The following PTPRD variants were observed in gnomAD, a reference collection of about 807,000 sequenced individuals.
PTPRD encodes the protein protein tyrosine phosphatase receptor type D, also known as receptor-type tyrosine-protein phosphatase delta.
PTPRD carries 34 observed loss-of-function variants against 214.5 expected under a neutral mutation model. That is an observed-to-expected ratio of 0.16 (90% confidence interval 0.12 to 0.21). PTPRD has a LOEUF of 0.21. Ranked by LOEUF, PTPRD falls within the 10% of genes least tolerant of loss-of-function variation. The pLI, the probability that PTPRD is intolerant of heterozygous loss-of-function variation, is 1.00. For synonymous variants in PTPRD, 1,128 were observed against 845.7 expected (o/e 1.33, Z -5.79); for missense variants, 2,545 against 2,398.7 (o/e 1.06, Z -1.27).
At chr9:8,796,203 T>C (rs1248951861) in intron 11 of PTPRD, among the ~76,000 whole-genome samples, 1 of 152,136 alleles carries the variant, frequency 6.6e-6, no homozygotes, top group African/African-American at 2.4e-5. Context: ...GAAGGGATAA[T>C]TAGAGATGAA....
At chr9:10,233,564 A>C (rs2099619226) in intron 3 of PTPRD, among the ~76,000 whole-genome samples, 1 of 152,028 alleles carries the variant, frequency 6.6e-6, no homozygotes, top group Non-Finnish European at 1.5e-5. Context: ...AAGAAAGCCA[A>C]GTTATGAGCA....
chr9:9,409,669 T>C (rs1287511854), intron 8 of PTPRD, among the ~76,000 whole-genome samples: 1 of 151,962 alleles, frequency 6.6e-6, no homozygotes, highest in African/African-American at 2.4e-5. Context: ...AATCAGTAAC[T>C]ACAATAAGCT....
chr9:10,581,678 C>T (rs768225831), intron 2 of PTPRD, among the ~76,000 whole-genome samples: 2 of 152,126 alleles, frequency 1.3e-5, no homozygotes, highest in Non-Finnish European at 2.9e-5. Context: ...TAAGACAACT[C>T]GCTTGCTGTG....
At chr9:8,362,000 T>C (rs2078624164) in intron 39 of PTPRD, among the ~76,000 whole-genome samples, 1 of 152,206 alleles carries the variant, frequency 6.6e-6, no homozygotes, top group Non-Finnish European at 1.5e-5. Context: ...GAAAACCATG[T>C]GACTTGATGA....
intron 3 of PTPRD, among the ~76,000 whole-genome samples, chr9:10,098,956 A>G (rs933779165): frequency 5.9e-5 from 9 of 151,758 alleles, no homozygotes; most frequent in Non-Finnish European, 1.0e-4. Context: ...ATAGAATTTC[A>G]TAGACAGCAA....
At chr9:10,535,610 A>G (rs906520657) in intron 2 of PTPRD, among the ~76,000 whole-genome samples, 1 of 152,170 alleles carries the variant, frequency 6.6e-6, no homozygotes, top group Admixed American at 6.6e-5. Flanking sequence ...CTTTTTTAAA[A>G]AAAGTCAATA....
intron 10 of PTPRD, among the ~76,000 whole-genome samples, chr9:9,108,814 C>T (rs1226800743): frequency 6.6e-6 from 1 of 152,120 alleles, no homozygotes; most frequent in Non-Finnish European, 1.5e-5. Flanking sequence ...ACTGCTGAGG[C>T]CCTCTGGCAC....
At chr9:8,402,375 T>C (rs1320165344) in intron 36 of PTPRD, among the ~76,000 whole-genome samples, 3 of 152,078 alleles carry the variant, frequency 2.0e-5, no homozygotes, top group African/African-American at 7.2e-5. Context: ...ATAGTTTTTA[T>C]CCCTCAACAT....
chr9:8,941,487 T>C (rs981261098), intron 11 of PTPRD, among the ~76,000 whole-genome samples: 3 of 152,180 alleles, frequency 2.0e-5, no homozygotes, highest in Non-Finnish European at 4.4e-5. Context: ...GCTCCACTAA[T>C]CCTAGCTGTG....
intron 11 of PTPRD, among the ~76,000 whole-genome samples, chr9:8,934,198 A>C (rs2098972998): frequency 6.6e-6 from 1 of 151,364 alleles, no homozygotes; most frequent in Non-Finnish European, 1.5e-5. Context: ...TATGGAAAAA[A>C]AGAATGGAAA....
intron 7 of PTPRD, among the ~76,000 whole-genome samples, chr9:9,637,490 T>A (rs1011769901): frequency 6.6e-6 from 1 of 152,192 alleles, no homozygotes; most frequent in Non-Finnish European, 1.5e-5. Flanking sequence ...GCAGCATAAA[T>A]AGCATTCTTC....
chr9:9,026,765 T>G (rs1569459136), intron 10 of PTPRD, among the ~76,000 whole-genome samples: 2 of 151,460 alleles, frequency 1.3e-5, no homozygotes, highest in Non-Finnish European at 2.9e-5. Context: ...TTCAAACTGC[T>G]TTATTTTCAT....
intron 8 of PTPRD, among the ~76,000 whole-genome samples, chr9:9,427,469 A>C (rs1299574377): frequency 6.6e-6 from 1 of 152,192 alleles, no homozygotes; most frequent in African/African-American, 2.4e-5. Context: ...GGAGAATGGA[A>C]CCAAGTTGGA....
intron 11 of PTPRD, among the ~76,000 whole-genome samples, chr9:8,946,102 C>A (rs10816015): frequency 0.47 from 72,065 of 151,856 alleles, 17,654 homozygotes; most frequent in East Asian, 0.75. Flanking sequence ...AAATACATAC[C>A]TGTCTATTAC....
intron 33 of PTPRD, among the ~76,000 whole-genome samples, chr9:8,454,837 TG>T: frequency 6.6e-6 from 1 of 151,784 alleles, no homozygotes; most frequent in African/African-American, 2.4e-5. Flanking sequence ...TGTGTGTGTG[TG>T]TGTGTGTGTG....
At chr9:10,090,947 CACACACACACACAT>C (rs1210004267) in intron 3 of PTPRD, among the ~76,000 whole-genome samples, 2 of 148,600 alleles carry the variant, frequency 1.3e-5, no homozygotes, top group Non-Finnish European at 3.0e-5. Flanking sequence ...CACACACACA[CACACACACACACAT>C]GCATGTGGTA....
intron 4 of PTPRD, among the ~76,000 whole-genome samples, chr9:9,984,454 G>A (rs1022693892): frequency 6.6e-6 from 1 of 152,112 alleles, no homozygotes; most frequent in African/African-American, 2.4e-5. Flanking sequence ...TTATCGGTGT[G>A]CCAGACTGGA....
intron 11 of PTPRD, among the ~76,000 whole-genome samples, chr9:8,900,738 C>G (rs1253831251): frequency 6.6e-6 from 1 of 152,100 alleles, no homozygotes; most frequent in Non-Finnish European, 1.5e-5. Context: ...AGTGAATAAA[C>G]CAAATTAGCA....
intron 2 of PTPRD, among the ~76,000 whole-genome samples, chr9:10,526,601 T>C (rs911228756): frequency 4.6e-5 from 7 of 152,140 alleles, no homozygotes; most frequent in Non-Finnish European, 8.8e-5. Flanking sequence ...CTTCATTCTC[T>C]GATATTCCTA....
Sources: gnomAD v4.1 joint callset for allele counts (sites outside exome capture counted in the v4.1 genomes callset) on GRCh38, gnomAD v4.1.1 for gene constraint, MANE v1.5 for transcripts, NCBI Gene and HGNC (gene_info 2026-07-23, HGNC 2026-07-21) for gene names.